The following CADM1 variants were observed in gnomAD, a reference collection of about 807,000 sequenced individuals.
CADM1 encodes the protein cell adhesion molecule 1, also known as TSLC-1.
CADM1 carries 15 observed loss-of-function variants against 53.1 expected under a neutral mutation model. The observed-to-expected ratio is 0.28, with a 90% CI of 0.19 to 0.44. The LOEUF is 0.44. Ranked by LOEUF, CADM1 falls within the 20% of genes least tolerant of loss-of-function variation. The pLI, the probability that CADM1 is intolerant of heterozygous loss-of-function variation, is 1.00. For missense variants in CADM1, 434 were observed against 611.3 expected (o/e 0.71, Z 3.06); for synonymous variants, 281 against 243.0 (o/e 1.16, Z -1.45).
chr11:115,497,365 G>A (rs564020659), intron 1 of CADM1, among the ~76,000 whole-genome samples: 1 of 152,096 alleles, frequency 6.6e-6, no homozygotes, highest in Non-Finnish European at 1.5e-5. Context: ...CCTCATTCAA[G>A]ACACCTGTCA....
intron 7 of CADM1, among the ~76,000 whole-genome samples, chr11:115,209,928 T>C (rs550508530): frequency 6.6e-6 from 1 of 152,254 alleles, no homozygotes; most frequent in South Asian, 2.1e-4. Context: ...AATCAAAACA[T>C]ACGACACCCC....
intron 1 of CADM1, among the ~76,000 whole-genome samples, chr11:115,403,359 T>G (rs1341404140): frequency 6.6e-6 from 1 of 152,154 alleles, no homozygotes; most frequent in Non-Finnish European, 1.5e-5. Context: ...TAATCCTGAA[T>G]CGAATCCTGG....
At position 115,176,039 on chromosome 11, in the gene CADM1, G is replaced by A. The variant is rs1939011700; in HGVS notation, c.*435C>T. 9.4e-7 allele frequency: 1 copy of A among 1,061,180 alleles called. No homozygotes were observed. Among genetic ancestry groups the A allele is most frequent in the Non-Finnish European group, 1.1e-6 (1 of 876,246 alleles). 65.7% of individuals were successfully genotyped at this position (1,061,180 alleles called of 1,614,324 possible). On this transcript the variant is annotated 3_prime_UTR_variant, in exon 12 of 12. Transcript: ENST00000331581. Reference sequence around the variant, plus strand: ...AAAAAACTAGAACAGAAAAGGGAAGGAAAAGAGTCTAAGGAATCCCAGCAG... The same window carrying A: ...AAAAAACTAGAACAGAAAAGGGAAGAAAAAGAGTCTAAGGAATCCCAGCAG...
At chr11:115,490,312 T>G (rs929359611) in intron 1 of CADM1, among the ~76,000 whole-genome samples, 6 of 152,084 alleles carry the variant, frequency 3.9e-5, no homozygotes, top group African/African-American at 1.4e-4. Context: ...ACTCCCAGGT[T>G]TATTTAACTC....
At chr11:115,286,770 G>A (rs1467215433) in intron 1 of CADM1, among the ~76,000 whole-genome samples, 1 of 152,080 alleles carries the variant, frequency 6.6e-6, no homozygotes, top group African/African-American at 2.4e-5. Context: ...AGTTTTCCTG[G>A]CAACTCAGCC....
intron 1 of CADM1, among the ~76,000 whole-genome samples, chr11:115,420,760 C>T (rs765287669): frequency 6.6e-6 from 1 of 152,164 alleles, no homozygotes; most frequent in Non-Finnish European, 1.5e-5. Flanking sequence ...ATGCCGTGAT[C>T]TTCTTGGCTT....
In CADM1 at chr11:115,175,375, G is replaced by GAAAAAAA. The variant is rs56789298; in HGVS notation, c.*1092_*1098dup. 1 of 822,050 alleles carries GAAAAAAA rather than the reference G, an allele frequency of 1.2e-6. No individual in the cohort carries two copies. Among genetic ancestry groups the GAAAAAAA allele is most frequent in the African/African-American group, 1.9e-5 (1 of 51,800 alleles). 50.9% of individuals were successfully genotyped at this position (822,050 alleles called of 1,614,324 possible). A position where few individuals can be genotyped will look rare whatever the true frequency, so the allele number is the denominator to read the frequency against. On this transcript the variant is annotated 3_prime_UTR_variant, in exon 12 of 12. Coordinates refer to ENST00000331581, the MANE Select transcript of CADM1 (RefSeq NM_001301043.2). The stretch of plus-strand genomic sequence containing the variant: ...ACTGCCTTCCTAACTAAGCACAAAG[G>GAAAAAAA]AAAAAAAAAAAAAAATCAACTCTGT...
chr11:115,422,104 C>G (rs1318106709), intron 1 of CADM1, among the ~76,000 whole-genome samples: 1 of 152,148 alleles, frequency 6.6e-6, no homozygotes, highest in Non-Finnish European at 1.5e-5. Flanking sequence ...CGCAGCTGAA[C>G]TTAAAATCAG....
intron 4 of CADM1, among the ~76,000 whole-genome samples, chr11:115,230,428 C>T (rs1054096076): frequency 1.3e-5 from 2 of 152,100 alleles, no homozygotes; most frequent in Admixed American, 1.3e-4. Context: ...TGAAGCATGC[C>T]ACTAGCATTT....
chr11:115,353,139 GTGTTTT>G (rs1255602318), intron 1 of CADM1, among the ~76,000 whole-genome samples: 2 of 152,220 alleles, frequency 1.3e-5, no homozygotes, highest in African/African-American at 4.8e-5. Context: ...ATGTAGAGAA[GTGTTTT>G]TGTTCAAGAA....
chr11:115,358,913 C>T (rs1319667794), intron 1 of CADM1, among the ~76,000 whole-genome samples: 3 of 152,068 alleles, frequency 2.0e-5, no homozygotes, highest in Admixed American at 1.3e-4. Context: ...CTTCGCCCAC[C>T]GAGTATTTCA....
At chr11:115,400,691 A>ATATG (rs1555079481) in intron 1 of CADM1, among the ~76,000 whole-genome samples, 22 of 104,696 alleles carry the variant, frequency 2.1e-4, no homozygotes, top group African/African-American at 7.5e-4. Flanking sequence ...ATATATATAT[A>ATATG]TATATATATA....
chr11:115,485,159 A>T (rs1949346277), intron 1 of CADM1, among the ~76,000 whole-genome samples: 1 of 152,074 alleles, frequency 6.6e-6, no homozygotes, highest in South Asian at 2.1e-4. Flanking sequence ...AATCCTGCCC[A>T]TCTTCCACCT....
chr11:115,326,778 T>G (rs1054443627), intron 1 of CADM1, among the ~76,000 whole-genome samples: 1 of 152,184 alleles, frequency 6.6e-6, no homozygotes, highest in African/African-American at 2.4e-5. Flanking sequence ...ATTGAATTTG[T>G]CATAAGCTGC....
intron 1 of CADM1, among the ~76,000 whole-genome samples, chr11:115,272,051 A>G (rs990690820): frequency 1.4e-4 from 21 of 151,240 alleles, no homozygotes; most frequent in Admixed American, 6.6e-5. Context: ...TGTTAGTTTA[A>G]TATCACTTTT....
chr11:115,283,941 C>G (rs1439266185), intron 1 of CADM1, among the ~76,000 whole-genome samples: 1 of 152,128 alleles, frequency 6.6e-6, no homozygotes, highest in Non-Finnish European at 1.5e-5. Context: ...TTGAATAGGA[C>G]TGAATGCAAT....
chr11:115,434,654 G>A (rs903690128), intron 1 of CADM1, among the ~76,000 whole-genome samples: 1 of 152,016 alleles, frequency 6.6e-6, no homozygotes, highest in African/African-American at 2.4e-5. Flanking sequence ...GGGTGTAGTA[G>A]GCATTCAGCA....
intron 1 of CADM1, among the ~76,000 whole-genome samples, chr11:115,423,473 G>T (rs220861): frequency 0.042 from 6,327 of 152,258 alleles, 169 homozygotes; most frequent in Middle Eastern, 0.092. Flanking sequence ...AGAGAAAGCT[G>T]CAAAGAGGGC....
Position 115,219,995 on chromosome 11 carries a change from T to C in CADM1, c.722-2004A>G, listed in dbSNP as rs7479259. Among the ~76,000 whole-genome samples, 503 of 151,986 alleles carry C rather than the reference T, an allele frequency of 3.3e-3. 4 individuals are homozygous for C. Among genetic ancestry groups the C allele is most frequent in the African/African-American group, 9.8e-3 (408 of 41,496 alleles). ...CTATCATTCTTACCCATGAACCTTC[T>C]GGGTGAGGCTAAATTTAAAGCCCAA... On this transcript the variant is annotated intron_variant, in intron 5 of 11. Coordinates refer to ENST00000331581, the MANE Select transcript of CADM1 (RefSeq NM_001301043.2).
Sources: gnomAD v4.1 joint callset for allele counts (sites outside exome capture counted in the v4.1 genomes callset) on GRCh38, gnomAD v4.1.1 for gene constraint, MANE v1.5 for transcripts, NCBI Gene and HGNC (gene_info 2026-07-23, HGNC 2026-07-21) for gene names.